The following SDK1 variants were observed in gnomAD, a reference collection of about 807,000 sequenced individuals.
SDK1 encodes sidekick cell adhesion molecule 1.
A neutral mutation model predicts 245.5 loss-of-function variants in SDK1; 157 were observed. The ratio of observed to expected loss-of-function variants is 0.64; its 90% CI spans 0.56 to 0.73. The LOEUF is 0.73. Ranked by LOEUF, SDK1 falls within the 30% of genes least tolerant of loss-of-function variation. The pLI, the probability that SDK1 is intolerant of heterozygous loss-of-function variation, is 0.00. For synonymous variants in SDK1, 1,647 were observed against 1,278.5 expected (o/e 1.29, Z -6.15); for missense variants, 3,583 against 3,002.3 (o/e 1.19, Z -4.52).
intron 1 of SDK1, among the ~76,000 whole-genome samples, chr7:3,615,558 C>T (rs976009416): frequency 6.6e-5 from 10 of 151,652 alleles, no homozygotes; most frequent in Non-Finnish European, 1.0e-4. Flanking sequence ...TAAGGGACAG[C>T]GACTGTGTCT....
intron 4 of SDK1, among the ~76,000 whole-genome samples, chr7:3,663,221 C>A (rs540821471): frequency 3.6e-4 from 55 of 152,212 alleles, no homozygotes; most frequent in African/African-American, 1.2e-3. Flanking sequence ...AATTGTGATA[C>A]TTACTTTTAG....
chr7:3,953,611 C>G (rs1583621265), intron 7 of SDK1, among the ~76,000 whole-genome samples: 1 of 152,206 alleles, frequency 6.6e-6, no homozygotes, highest in Non-Finnish European at 1.5e-5. Context: ...CGTGTTCAAA[C>G]ATTTTAAGGT....
At chr7:3,592,005 C>A (rs958804920) in intron 1 of SDK1, among the ~76,000 whole-genome samples, 1 of 152,126 alleles carries the variant, frequency 6.6e-6, no homozygotes, top group Non-Finnish European at 1.5e-5. Flanking sequence ...TATACAGAAA[C>A]AAATGAATAT....
intron 5 of SDK1, among the ~76,000 whole-genome samples, chr7:3,863,447 T>C (rs1424297595): frequency 6.6e-6 from 1 of 152,248 alleles, no homozygotes; most frequent in African/African-American, 2.4e-5. Context: ...GTTACCATTT[T>C]AACTATGTTT....
At chr7:4,222,160 A>C (rs1184265996) in intron 40 of SDK1, among the ~76,000 whole-genome samples, 11 of 152,226 alleles carry the variant, frequency 7.2e-5, no homozygotes, top group Admixed American at 2.6e-4. Flanking sequence ...AGTTTAGTCT[A>C]ATACTTAAAC....
intron 20 of SDK1, among the ~76,000 whole-genome samples, chr7:4,075,121 G>A (rs1780575321): frequency 1.3e-5 from 2 of 151,436 alleles, no homozygotes; most frequent in African/African-American, 4.9e-5. Context: ...CCAAAGGCAG[G>A]CAGGCAGCAC....
At chr7:3,988,403 C>T (rs1271428180) in intron 14 of SDK1, among the ~76,000 whole-genome samples, 1 of 152,088 alleles carries the variant, frequency 6.6e-6, no homozygotes, top group Non-Finnish European at 1.5e-5. Context: ...CCTGTTTCCT[C>T]ATCCAAACCA....
At chr7:4,227,083 C>T in intron 40 of SDK1, 1 of 272,362 alleles carries the variant, frequency 3.7e-6, no homozygotes, top group South Asian at 4.0e-5. Flanking sequence ...TTCCAGTTCC[C>T]TCCCCATTGA....
intron 22 of SDK1, among the ~76,000 whole-genome samples, chr7:4,081,250 C>T (rs1230834406): frequency 2.6e-5 from 4 of 152,152 alleles, no homozygotes; most frequent in Non-Finnish European, 5.9e-5. Flanking sequence ...GCTCCTTTGG[C>T]CCATGTTCCG....
At chr7:3,677,399 G>C (rs1364047280) in intron 4 of SDK1, among the ~76,000 whole-genome samples, 1 of 152,214 alleles carries the variant, frequency 6.6e-6, no homozygotes, top group Non-Finnish European at 1.5e-5. Flanking sequence ...GTTCCACATG[G>C]CTGGGGAGGC....
chr7:3,574,975 G>A (rs1007769246), intron 1 of SDK1, among the ~76,000 whole-genome samples: 5 of 152,042 alleles, frequency 3.3e-5, no homozygotes, highest in African/African-American at 7.2e-5. Context: ...CATGTCTGGA[G>A]TTACCCTTTC....
intron 19 of SDK1, among the ~76,000 whole-genome samples, chr7:4,059,700 A>T (rs1779414426): frequency 6.6e-6 from 1 of 152,200 alleles, no homozygotes; most frequent in Admixed American, 6.5e-5. Flanking sequence ...GACACAAAGC[A>T]AATCTCAACA....
In SDK1 at chr7:4,123,719, C is replaced by T. The variant is rs371041813; in HGVS notation, c.3824-3662C>T. ...GGAAGATTGGACTGGCTGGCATTAT[C>T]TCCCTCCAAAAATAGAAGGGGGCTC... On this transcript the variant is annotated intron_variant, in intron 25 of 44. Transcript: ENST00000404826. Among the ~76,000 whole-genome samples, 9 of 152,358 alleles carry T rather than the reference C, an allele frequency of 5.9e-5. No homozygotes were observed. In the East Asian group the frequency reaches 1.7e-3, roughly 29 times the overall value.
chr7:4,233,129 G>A (rs759437626), intron 40 of SDK1, 126 bp from the exon 41 acceptor site: 161 of 812,716 alleles, frequency 2.0e-4, no homozygotes, highest in African/African-American at 6.6e-4. Context: ...CACTCACTCC[G>A]CATCCAGTGC....
intron 40 of SDK1, 122 bp from the exon 41 acceptor site, chr7:4,233,133 C>T: frequency 1.2e-6 from 1 of 854,372 alleles, no homozygotes. Context: ...CACTCCGCAT[C>T]CAGTGCCCCT....
chr7:3,557,074 C>T (rs950643699), intron 1 of SDK1, among the ~76,000 whole-genome samples: 2 of 151,342 alleles, frequency 1.3e-5, no homozygotes, highest in Admixed American at 1.3e-4. Context: ...CAAAATAAAT[C>T]CAGAACAAGC....
chr7:3,317,393 T>A (rs556806188), intron 1 of SDK1, among the ~76,000 whole-genome samples: 23 of 152,310 alleles, frequency 1.5e-4, no homozygotes, highest in African/African-American at 5.5e-4. Flanking sequence ...TATTTTTGTT[T>A]TCATCTATCT....
chr7:3,957,501 G>A (rs1259918136), intron 7 of SDK1, among the ~76,000 whole-genome samples: 1 of 152,194 alleles, frequency 6.6e-6, no homozygotes, highest in Admixed American at 6.5e-5. Flanking sequence ...CAACTAAGAA[G>A]AGGAAAACTA....
Position 3,987,177 on chromosome 7 carries a change from C to T in SDK1, c.1995-9C>T, listed in dbSNP as rs1418467846. 1.2e-6 allele frequency: 2 copies of T among 1,613,276 alleles called. No homozygotes were observed. The highest frequency in any genetic ancestry group is 1.7e-6 in the Non-Finnish European group (2 of 1,179,732). On this transcript the variant is annotated splice_polypyrimidine_tract_variant and intron_variant, in intron 13 of 44. Coordinates refer to ENST00000404826, the MANE Select transcript of SDK1 (RefSeq NM_152744.4). Reference sequence around the variant, plus strand: ...TCCTCTTTTTCCTTTTCATCCCATTCAATTCAAGTGAACTGCCTCATTCAC... The same window carrying T: ...TCCTCTTTTTCCTTTTCATCCCATTTAATTCAAGTGAACTGCCTCATTCAC...
Sources: allele counts gnomAD v4.1 joint callset (sites outside exome capture counted in the v4.1 genomes callset), GRCh38; gene constraint gnomAD v4.1.1; transcripts MANE v1.5; gene names NCBI Gene and HGNC (gene_info 2026-07-23, HGNC 2026-07-21).